RPRD2: variants seen among roughly 807,000 people sequenced by gnomAD.
RPRD2 encodes regulation of nuclear pre-mRNA domain-containing protein 2.
In RPRD2, 12 loss-of-function variants were observed where a neutral mutation model predicts 104.4. That is an observed-to-expected ratio of 0.11 (90% CI 0.07 to 0.19). RPRD2 has a LOEUF of 0.19. Ranked by LOEUF, RPRD2 falls within the 10% of genes least tolerant of loss-of-function variation. The pLI, the probability that RPRD2 is intolerant of heterozygous loss-of-function variation, is 1.00. For synonymous variants in RPRD2, 714 were observed against 684.9 expected (o/e 1.04, Z -0.66); for missense variants, 1,543 against 1,790.1 (o/e 0.86, Z 2.49).
intron 1 of RPRD2, among the ~76,000 whole-genome samples, chr1:150,386,034 G>A (rs1229044461): frequency 6.6e-6 from 1 of 152,144 alleles, no homozygotes; most frequent in Non-Finnish European, 1.5e-5. Flanking sequence ...TGTATGATTA[G>A]ATAGAGAGAA....
At chr1:150,383,033 C>A (rs1661252219) in intron 1 of RPRD2, among the ~76,000 whole-genome samples, 2 of 151,968 alleles carry the variant, frequency 1.3e-5, no homozygotes, top group African/African-American at 4.8e-5. Flanking sequence ...CACTGTGTCA[C>A]CCAGTCTGGG....
chr1:150,399,582 C>A (rs868945438), intron 1 of RPRD2, among the ~76,000 whole-genome samples: 9 of 151,894 alleles, frequency 5.9e-5, no homozygotes, highest in African/African-American at 1.2e-4. Flanking sequence ...CATGGTGAGA[C>A]CTCATCTCTA....
intron 1 of RPRD2, among the ~76,000 whole-genome samples, chr1:150,380,935 G>A (rs1007206871): frequency 1.8e-4 from 28 of 152,304 alleles, no homozygotes; most frequent in East Asian, 3.9e-4. Flanking sequence ...GATTACAGGC[G>A]TGAAGCACGC....
chr1:150,392,245 G>T (rs587606684), intron 1 of RPRD2, among the ~76,000 whole-genome samples: 1 of 151,976 alleles, frequency 6.6e-6, no homozygotes, highest in African/African-American at 2.4e-5. Flanking sequence ...AGTGGCTCAC[G>T]CCTGTAATCC....
intron 7 of RPRD2, among the ~76,000 whole-genome samples, chr1:150,447,282 G>A (rs1361681945): frequency 6.6e-6 from 1 of 151,382 alleles, no homozygotes; most frequent in African/African-American, 2.4e-5. Context: ...CCAGAAAACT[G>A]GATGGAAACA....
Position 150,473,002 on chromosome 1 carries a change from C to CCCA in RPRD2, c.4057_4059dup (p.Thr1353dup). 1 of 1,614,014 alleles carries CCCA rather than the reference C, an allele frequency of 6.2e-7. No individual in the cohort carries two copies. The highest frequency in any genetic ancestry group is 8.5e-7 in the Non-Finnish European group (1 of 1,179,900). ...CCCAGGACCCAGGGACCACGGGGGC[C>CCCA]CCACCCAACGGGACCTCAACGGCCC... is the stretch of plus-strand genomic sequence containing the variant. On this transcript the variant is annotated inframe_insertion, in exon 11 of 11. Coordinates refer to ENST00000369068, the MANE Select transcript of RPRD2 (RefSeq NM_015203.5).
In RPRD2 at chr1:150,473,431, A is replaced by T; in HGVS notation, c.*97A>T. ...GTTTTTATTTGTTTTCTCTTTCTCG[A>T]TTTTTTTTTTATTATAACAAAGGGC... is the stretch of plus-strand genomic sequence containing the variant. On this transcript the variant is annotated 3_prime_UTR_variant, in exon 11 of 11. Transcript: ENST00000369068. 8.5e-7 allele frequency: 1 copy of T among 1,177,762 alleles called. No homozygotes were observed. Among genetic ancestry groups the T allele is most frequent in the Non-Finnish European group, 1.2e-6 (1 of 868,156 alleles). 73.0% of individuals were successfully genotyped at this position (1,177,762 alleles called of 1,614,324 possible). A position where few individuals can be genotyped will look rare whatever the true frequency, so the allele number is the denominator to read the frequency against.
intron 7 of RPRD2, among the ~76,000 whole-genome samples, chr1:150,453,317 C>T (rs1156429810): frequency 3.9e-5 from 6 of 152,190 alleles, no homozygotes; most frequent in Non-Finnish European, 7.3e-5. Context: ...AGGCGTGAGC[C>T]ACCGCGCCTG....
Position 150,473,335 on chromosome 1 carries a change from T to C in RPRD2, c.*1T>C, listed in dbSNP as rs1668727388. On this transcript the variant is annotated 3_prime_UTR_variant, in exon 11 of 11. Transcript: ENST00000369068. ...CCCATTCTTCCCTCCCAGGTACTGATGGAAACCAAGGGAAAGGCATTTTGA... is the reference window on the plus strand; with the variant it reads ...CCCATTCTTCCCTCCCAGGTACTGACGGAAACCAAGGGAAAGGCATTTTGA... The C allele has an allele frequency of 8.7e-6, 14 of 1,602,978 alleles. No individual in the cohort carries two copies. Among genetic ancestry groups the C allele is most frequent in the East Asian group, 2.2e-5 (1 of 44,804 alleles).
At chr1:150,452,740 G>A (rs1553896903) in intron 7 of RPRD2, among the ~76,000 whole-genome samples, 3 of 136,562 alleles carry the variant, frequency 2.2e-5, no homozygotes, top group Non-Finnish European at 3.0e-5. Flanking sequence ...GCACGATCTC[G>A]GCTCACTGCA....
chr1:150,397,475 C>A (rs189116228), intron 1 of RPRD2, among the ~76,000 whole-genome samples: 5 of 152,144 alleles, frequency 3.3e-5, no homozygotes, highest in African/African-American at 1.2e-4. Flanking sequence ...CCAAATTCTT[C>A]CCCATTTTTA....
chr1:150,425,091 A>G (rs11205370), intron 2 of RPRD2, among the ~76,000 whole-genome samples: 90,944 of 151,946 alleles, frequency 0.6, 27,729 homozygotes, highest in African/African-American at 0.65. Context: ...ATAACTTTAG[A>G]TAAATAAAAT....
At chr1:150,396,766 G>A (rs767384477) in intron 1 of RPRD2, among the ~76,000 whole-genome samples, 5 of 152,016 alleles carry the variant, frequency 3.3e-5, no homozygotes, top group Admixed American at 2.0e-4. Context: ...AAATCTGGAG[G>A]CATCACATTA....
intron 1 of RPRD2, among the ~76,000 whole-genome samples, chr1:150,397,722 A>G (rs587660249): frequency 6.6e-6 from 1 of 152,178 alleles, no homozygotes; most frequent in Non-Finnish European, 1.5e-5. Flanking sequence ...CTTGGTAATT[A>G]TGAATAAAGC....
chr1:150,451,807 G>T (rs1667197422), intron 7 of RPRD2, among the ~76,000 whole-genome samples: 1 of 151,896 alleles, frequency 6.6e-6, no homozygotes, highest in Admixed American at 6.6e-5. Context: ...GTTCACTGGG[G>T]TGGGCCTTAA....
intron 4 of RPRD2, among the ~76,000 whole-genome samples, chr1:150,442,820 G>A (rs1270970887): frequency 2.0e-5 from 3 of 152,142 alleles, no homozygotes; most frequent in Non-Finnish European, 4.4e-5. Context: ...TAAATTTATA[G>A]GAATAGAGTT....
At position 150,455,518 on chromosome 1, in the gene RPRD2, A is replaced by T. The variant is rs9436113; in HGVS notation, c.871-1770A>T. 4.1e-3 allele frequency among the ~76,000 whole-genome samples: 624 copies of T among 151,906 alleles called. 16 individuals carry two copies. Among genetic ancestry groups the T allele is most frequent in the East Asian group, 0.022 (111 of 5,158 alleles). On this transcript the variant is annotated intron_variant, in intron 7 of 10. Transcript: ENST00000369068. ...CTCCATCTCAAAAAAAAAAAGAAAG[A>T]AAGTCCAGCAAAGTGTCACAAACAA...
intron 1 of RPRD2, among the ~76,000 whole-genome samples, chr1:150,412,819 T>C (rs1230273646): frequency 6.6e-6 from 1 of 152,184 alleles, no homozygotes; most frequent in Admixed American, 6.5e-5. Context: ...TTATGTCCCA[T>C]TCCTGAATGC....
chr1:150,432,628 T>TAA (rs34187447), intron 2 of RPRD2, among the ~76,000 whole-genome samples: 36,903 of 112,850 alleles, frequency 0.33, 6,226 homozygotes, highest in Non-Finnish European at 0.42. Context: ...AAGAAAATGA[T>TAA]AAAAAAAAAA....
Sources: gnomAD v4.1 joint callset for allele counts (sites outside exome capture counted in the v4.1 genomes callset) on GRCh38, gnomAD v4.1.1 for gene constraint, MANE v1.5 for transcripts, NCBI Gene and HGNC (gene_info 2026-07-23, HGNC 2026-07-21) for gene names.